The following DNAJC5B variants were observed in gnomAD, a reference collection of about 807,000 sequenced individuals.
DNAJC5B encodes DnaJ heat shock protein family (Hsp40) member C5 beta.
In DNAJC5B, 23 loss-of-function variants were observed where a neutral mutation model predicts 24.7. The observed-to-expected ratio is 0.93, with a 90% confidence interval of 0.67 to 1.32. DNAJC5B has a LOEUF of 1.32. Among genes scored for constraint, DNAJC5B ranks in the 40% most tolerant of loss-of-function variants. DNAJC5B has a pLI of 0.00. For synonymous variants in DNAJC5B, 101 were observed against 90.1 expected (o/e 1.12, Z -0.68); for missense variants, 238 against 240.8 (o/e 0.99, Z 0.08).
intron 1 of DNAJC5B, among the ~76,000 whole-genome samples, chr8:66,034,996 G>A (rs911316194): frequency 2.0e-5 from 3 of 152,184 alleles, no homozygotes; most frequent in Non-Finnish European, 4.4e-5. Flanking sequence ...TAAAAACTGT[G>A]CTAAATAACT....
At chr8:66,018,023 C>T (rs1191774438), upstream of DNAJC5B, among the ~76,000 whole-genome samples, 1 of 152,176 alleles carries the variant, frequency 6.6e-6, no homozygotes, top group Admixed American at 6.5e-5. Context: ...GCTTTTAGAG[C>T]GTACTCAATA....
At chr8:66,062,594 C>G (rs185677431) in intron 3 of DNAJC5B, among the ~76,000 whole-genome samples, 1 of 152,152 alleles carries the variant, frequency 6.6e-6, no homozygotes, top group South Asian at 2.1e-4. Context: ...ATGTTGGGTG[C>G]AAGAGCCTAA....
At chr8:66,063,731 T>C (rs532345884) in intron 3 of DNAJC5B, among the ~76,000 whole-genome samples, 1 of 152,358 alleles carries the variant, frequency 6.6e-6, no homozygotes, top group African/African-American at 2.4e-5. Flanking sequence ...ATCTATTTAG[T>C]ATTGGATAAT....
upstream of DNAJC5B, among the ~76,000 whole-genome samples, chr8:66,017,527 C>A (rs1054002606): frequency 6.6e-6 from 1 of 152,102 alleles, no homozygotes; most frequent in African/African-American, 2.4e-5. Context: ...GTAAAAAGAC[C>A]CGAATTTAGA....
intron 5 of DNAJC5B, among the ~76,000 whole-genome samples, chr8:66,097,004 G>A (rs754931531): frequency 4.6e-5 from 7 of 152,002 alleles, no homozygotes; most frequent in African/African-American, 7.2e-5. Context: ...TACACAGTCT[G>A]TGCCCATTTT....
intron 5 of DNAJC5B, among the ~76,000 whole-genome samples, chr8:66,081,368 C>G (rs1807592946): frequency 6.6e-6 from 1 of 152,132 alleles, no homozygotes; most frequent in Admixed American, 6.5e-5. Context: ...ATTATTCTCT[C>G]TCATAGTTAT....
In DNAJC5B at chr8:66,047,355, C is replaced by T. The variant is rs570589316; in HGVS notation, c.-18+3744C>T. On this transcript the variant is annotated intron_variant, in intron 2 of 5. Coordinates refer to ENST00000276570, the MANE Select transcript of DNAJC5B (RefSeq NM_033105.6). ...TCTGCTCATCCTCCTGAATAACCGA[C>T]ACAAGAAGAACCTGACACTGTCAGT... Among the ~76,000 whole-genome samples the T allele has an allele frequency of 1.3e-4, 20 of 152,310 alleles. No individual in the cohort carries two copies. The South Asian group carries it at 1.9e-3, about 14-fold the overall frequency.
chr8:66,018,792 A>G (rs1586049754), upstream of DNAJC5B, among the ~76,000 whole-genome samples: 1 of 152,274 alleles, frequency 6.6e-6, no homozygotes, highest in South Asian at 2.1e-4. Context: ...GTAGAACACA[A>G]TTTGAGAAAT....
intron 3 of DNAJC5B, among the ~76,000 whole-genome samples, chr8:66,063,261 C>T (rs1008637277): frequency 2.0e-5 from 3 of 152,126 alleles, no homozygotes; most frequent in African/African-American, 7.2e-5. Flanking sequence ...ATTCTGTTTT[C>T]AAAAGAAGCA....
chr8:66,067,236 G>A (rs138432627), intron 3 of DNAJC5B, among the ~76,000 whole-genome samples: 16 of 132,428 alleles, frequency 1.2e-4, no homozygotes, highest in Non-Finnish European at 2.3e-4. Flanking sequence ...AAGCATTTGC[G>A]AGTAAAGAAT....
intron 1 of DNAJC5B, among the ~76,000 whole-genome samples, chr8:66,037,721 C>T (rs545272720): frequency 7.2e-5 from 11 of 152,328 alleles, no homozygotes; most frequent in Admixed American, 6.5e-5. Context: ...AAGGAGCACT[C>T]GATCTGCAGG....
intron 1 of DNAJC5B, among the ~76,000 whole-genome samples, chr8:66,042,730 C>T (rs905205168): frequency 2.5e-4 from 34 of 135,360 alleles, no homozygotes; most frequent in African/African-American, 8.2e-4. Context: ...CCTCGCACCC[C>T]TCTTCTTCGT....
At chr8:66,053,626 A>G (rs1460120047) in intron 3 of DNAJC5B, among the ~76,000 whole-genome samples, 3 of 151,176 alleles carry the variant, frequency 2.0e-5, no homozygotes, top group African/African-American at 4.9e-5. Context: ...ATATTCTTCA[A>G]CTACCTTTTT....
intron 5 of DNAJC5B, among the ~76,000 whole-genome samples, chr8:66,081,338 T>G (rs1316413237): frequency 6.6e-6 from 1 of 152,112 alleles, no homozygotes; most frequent in African/African-American, 2.4e-5. Context: ...ACAGCCAAGA[T>G]CCTCCTGTCA....
At chr8:66,052,924 G>C (rs1249317751) in intron 3 of DNAJC5B, among the ~76,000 whole-genome samples, 1 of 151,956 alleles carries the variant, frequency 6.6e-6, no homozygotes, top group Non-Finnish European at 1.5e-5. Context: ...TTGTTTGCTT[G>C]TTTGTTTAGA....
At chr8:66,086,009 A>T (rs1439144841) in intron 5 of DNAJC5B, among the ~76,000 whole-genome samples, 3 of 152,166 alleles carry the variant, frequency 2.0e-5, no homozygotes, top group Non-Finnish European at 4.4e-5. Context: ...AAAGCTGGTA[A>T]TGTCTTGTTA....
intron 1 of DNAJC5B, among the ~76,000 whole-genome samples, chr8:66,026,583 C>G (rs73239290): frequency 1.3e-5 from 2 of 152,382 alleles, no homozygotes; most frequent in African/African-American, 4.8e-5. Flanking sequence ...ATCTCCGACA[C>G]GCGCAGGACA....
At chr8:66,087,033 T>A (rs143344034) in intron 5 of DNAJC5B, among the ~76,000 whole-genome samples, 121 of 152,286 alleles carry the variant, frequency 7.9e-4, no homozygotes, top group African/African-American at 2.7e-3. Flanking sequence ...TGATTTGAAT[T>A]CAGTTACTGT....
At chr8:66,080,246 G>T in intron 4 of DNAJC5B, 131 bp from the exon 5 acceptor site, 1 of 1,307,700 alleles carries the variant, frequency 7.6e-7, no homozygotes, top group Non-Finnish European at 1.0e-6. Flanking sequence ...TGAGGGTGAA[G>T]ATGTGGCCTG....
Sources: gnomAD v4.1 joint callset for allele counts (sites outside exome capture counted in the v4.1 genomes callset) on GRCh38, gnomAD v4.1.1 for gene constraint, MANE v1.5 for transcripts, NCBI Gene and HGNC (gene_info 2026-07-23, HGNC 2026-07-21) for gene names.